Variants in CRTC3 observed in about 807,000 individuals in gnomAD.
CRTC3 encodes the protein CREB-regulated transcription coactivator 3.
Under a neutral mutation model 74.5 loss-of-function variants are expected in CRTC3, and 26 were observed. The observed-to-expected ratio is 0.35, with a 90% CI of 0.26 to 0.48. The LOEUF (loss-of-function observed/expected upper bound fraction) is 0.48. Ranked by LOEUF, CRTC3 falls within the 20% of genes least tolerant of loss-of-function variation. The pLI, the probability that CRTC3 is intolerant of heterozygous loss-of-function variation, is 0.99. For synonymous variants in CRTC3, 377 were observed against 325.8 expected, an observed-to-expected ratio of 1.16 and a Z score of -1.69; for missense variants, 760 against 787.3, an observed-to-expected ratio of 0.97 and a Z score of 0.41.
At chr15:90,620,144 C>G (rs1051433095) in intron 9 of CRTC3, 1 of 258,998 alleles carries the variant, frequency 3.9e-6, no homozygotes, top group East Asian at 1.1e-4. Context: ...CTGTGGGCAT[C>G]GGTGACATCC....
intron 2 of CRTC3, among the ~76,000 whole-genome samples, chr15:90,546,649 G>A (rs1966844702): frequency 6.6e-6 from 1 of 151,672 alleles, no homozygotes; most frequent in Middle Eastern, 3.2e-3. Flanking sequence ...TTGAGACGGA[G>A]TCTCACTCTG....
chr15:90,557,847 G>A (rs960278594), intron 2 of CRTC3, among the ~76,000 whole-genome samples: 1 of 152,066 alleles, frequency 6.6e-6, no homozygotes, highest in Non-Finnish European at 1.5e-5. Context: ...CTCTTGTCTG[G>A]CTCCTGCGTG....
At chr15:90,545,798 TC>T (rs941861629) in intron 2 of CRTC3, among the ~76,000 whole-genome samples, 8 of 151,974 alleles carry the variant, frequency 5.3e-5, no homozygotes, top group Admixed American at 4.6e-4. Context: ...CAGGATGGTC[TC>T]CATCTCCTGA....
intron 2 of CRTC3, among the ~76,000 whole-genome samples, chr15:90,541,362 A>G (rs980871315): frequency 3.9e-5 from 6 of 152,226 alleles, no homozygotes; most frequent in Admixed American, 3.9e-4. Flanking sequence ...AGCCAAATGT[A>G]TTATTTAAGT....
intron 11 of CRTC3, among the ~76,000 whole-genome samples, chr15:90,633,439 C>T (rs538818159): frequency 1.8e-4 from 27 of 152,232 alleles, no homozygotes; most frequent in African/African-American, 6.5e-4. Context: ...AAATAATTTT[C>T]CCTTGGCATC....
intron 2 of CRTC3, among the ~76,000 whole-genome samples, chr15:90,565,581 T>C (rs1249699758): frequency 2.0e-5 from 3 of 152,230 alleles, no homozygotes; most frequent in African/African-American, 4.8e-5. Flanking sequence ...GTGGCAAACC[T>C]GCATGGAGCA....
chr15:90,598,300 G>A, intron 3 of CRTC3: 1 of 639,978 alleles, frequency 1.6e-6, no homozygotes, highest in African/African-American at 1.8e-5. Context: ...CAAAGAAAGG[G>A]CCAGGGCGGG....
intron 13 of CRTC3, among the ~76,000 whole-genome samples, chr15:90,639,508 G>C (rs1969363604): frequency 6.8e-6 from 1 of 147,802 alleles, no homozygotes; most frequent in Non-Finnish European, 1.5e-5. Flanking sequence ...GGAGTGCAGT[G>C]GCGTGATCTC....
intron 1 of CRTC3, among the ~76,000 whole-genome samples, chr15:90,536,397 C>T (rs976384763): frequency 6.7e-6 from 1 of 149,016 alleles, no homozygotes; most frequent in Non-Finnish European, 1.5e-5. Flanking sequence ...ATTAGCTGGG[C>T]GTGGTGGCGC....
At chr15:90,544,326 C>T (rs549050452) in intron 2 of CRTC3, among the ~76,000 whole-genome samples, 1 of 152,280 alleles carries the variant, frequency 6.6e-6, no homozygotes, top group East Asian at 1.9e-4. Flanking sequence ...GATTTAGGGC[C>T]TACCCTAATT....
At chr15:90,551,358 C>G (rs941826892) in intron 2 of CRTC3, among the ~76,000 whole-genome samples, 1 of 152,064 alleles carries the variant, frequency 6.6e-6, no homozygotes, top group Non-Finnish European at 1.5e-5. Flanking sequence ...ACTGTCTCCC[C>G]CTCACCGCTG....
intron 9 of CRTC3, among the ~76,000 whole-genome samples, chr15:90,623,262 A>G (rs5011653): frequency 6.6e-6 from 1 of 151,982 alleles, no homozygotes; most frequent in African/African-American, 2.4e-5. Context: ...CTTACCCATC[A>G]TCAGCCCACC....
chr15:90,591,828 C>G (rs1031117676), intron 2 of CRTC3, among the ~76,000 whole-genome samples: 6 of 152,196 alleles, frequency 3.9e-5, no homozygotes, highest in African/African-American at 1.4e-4. Context: ...CTCATTGCAT[C>G]TTGCCAAGAA....
intron 7 of CRTC3, among the ~76,000 whole-genome samples, chr15:90,617,172 T>TC (rs1968515521): frequency 6.6e-6 from 1 of 151,726 alleles, no homozygotes; most frequent in Non-Finnish European, 1.5e-5. Flanking sequence ...TCTAAAGGGC[T>TC]CCCCCCAGTG....
intron 2 of CRTC3, among the ~76,000 whole-genome samples, chr15:90,561,439 G>A (rs909989004): frequency 7.2e-5 from 11 of 151,998 alleles, no homozygotes; most frequent in African/African-American, 1.2e-4. Context: ...AGTCTTAATC[G>A]GCCTGTCCTG....
chr15:90,553,190 T>C (rs1258174638), intron 2 of CRTC3, among the ~76,000 whole-genome samples: 2 of 152,242 alleles, frequency 1.3e-5, no homozygotes, highest in Non-Finnish European at 1.5e-5. Flanking sequence ...TTTTCTGACC[T>C]TGTCTGAATT....
chr15:90,607,588 T>C (rs1471242817), intron 6 of CRTC3, 110 bp downstream of exon 6: 1 of 672,704 alleles, frequency 1.5e-6, no homozygotes, highest in Non-Finnish European at 2.6e-6. Context: ...TCAGTGATCT[T>C]AGAGAGGCAG....
At chr15:90,600,423 C>CCTT (rs10625814) in intron 3 of CRTC3, 142,777 of 152,134 alleles carry the variant, frequency 0.94, 67,212 homozygotes, top group Middle Eastern at 0.99. Flanking sequence ...TAGCCTCCAT[C>CCTT]CTTCCCAGAA....
Position 90,629,399 on chromosome 15 carries a change from A to G in CRTC3, c.1133A>G (p.Asn378Ser), listed in dbSNP as rs1376722460. The G allele has an allele frequency of 1.2e-6, 2 of 1,608,092 alleles. No homozygotes were observed. Among genetic ancestry groups the G allele is most frequent in the Non-Finnish European group, 8.5e-7 (1 of 1,177,816 alleles). The change falls in exon 11 of 15, where the codon AAC (asparagine) becomes AGC (serine). Residue 378 changes from asparagine (N) to serine (S), a missense_variant. By Grantham distance (46) the Asn-to-Ser change is conservative. Transcript: ENST00000268184. The stretch of plus-strand genomic sequence containing the variant: ...AGCAACCCATCTCTTTCCACCACAA[A>G]CCTGAGCGGCCCGTCTCGGCGTCGG... ...SLSNPSLSTT[N>S]LSGPSRRRQP...
Sources: gnomAD v4.1 joint callset for allele counts (sites outside exome capture counted in the v4.1 genomes callset) on GRCh38, gnomAD v4.1.1 for gene constraint, MANE v1.5 for transcripts, NCBI Gene and HGNC (gene_info 2026-07-23, HGNC 2026-07-21) for gene names.